Variants in MYCBPAP observed in about 807,000 individuals in gnomAD.
MYCBPAP encodes the protein MYCBP-associated protein.
Under a neutral mutation model 106.1 loss-of-function variants are expected in MYCBPAP, and 60 were observed. That is an observed-to-expected ratio of 0.57 (90% CI 0.46 to 0.70). The LOEUF is 0.70. MYCBPAP is among the 30% of genes least tolerant of loss of function. The pLI is 0.00. For missense variants in MYCBPAP, 1,064 were observed against 1,169.3 expected, an observed-to-expected ratio of 0.91 and a Z score of 1.31; for synonymous variants, 407 against 440.6, an observed-to-expected ratio of 0.92 and a Z score of 0.95.
At position 50,517,381 on chromosome 17, in the gene MYCBPAP, G is replaced by A. The variant is rs2034090008; in HGVS notation, c.293G>A (p.Arg98Lys). ...IIRKLKPMDP[R>K]RKVCHLVARP... Reference sequence around the variant, plus strand: ...CGTAAACTCAAACCCATGGATCCTAGGAGGAAGGTCTGCCACCTTGTAGCA... The same window carrying A: ...CGTAAACTCAAACCCATGGATCCTAAGAGGAAGGTCTGCCACCTTGTAGCA... Residue 98 changes from arginine (R) to lysine (K), a missense_variant, in exon 3 of 19, where the codon AGG becomes AAG. By Grantham distance (26) the Arg-to-Lys change is conservative. Transcript: ENST00000323776. 6.2e-7 allele frequency: 1 copy of A among 1,613,988 alleles called. No homozygotes were observed. The highest frequency in any genetic ancestry group is 1.3e-5 in the African/African-American group (1 of 74,904).
At chr17:50,520,024 G>C in intron 7 of MYCBPAP, 1 of 473,582 alleles carries the variant, frequency 2.1e-6, no homozygotes, top group Non-Finnish European at 3.8e-6. Context: ...CTGCCGTCCA[G>C]TGTGGAGCCT....
chr17:50,526,322 C>A, intron 14 of MYCBPAP, 55 bp downstream of exon 14: 1 of 1,511,298 alleles, frequency 6.6e-7, no homozygotes, highest in Non-Finnish European at 8.8e-7. Flanking sequence ...CTCGAACCAA[C>A]AAGGGAGGAC....
intron 18 of MYCBPAP, among the ~76,000 whole-genome samples, 183 bp from the exon 19 acceptor site, chr17:50,531,144 C>A (rs1292730466): frequency 4.0e-5 from 3 of 75,480 alleles, no homozygotes; most frequent in Non-Finnish European, 7.5e-5. Context: ...AGAGTGAGAT[C>A]CTGTCAAAAA....
At position 50,529,156 on chromosome 17, in the gene MYCBPAP, A is replaced by T. The variant is rs201755547; in HGVS notation, c.2692A>T (p.Met898Leu). Residue 898 changes from methionine to leucine, a missense_variant, in exon 18 of 19, where the codon ATG (methionine) becomes TTG (leucine). Coordinates refer to ENST00000323776, the MANE Select transcript of MYCBPAP (RefSeq NM_032133.6). ...SSQEPIDPLV[M>L]GKYTQSLHSE... ...TCAAGAACCCATAGACCCCCTGGTC[A>T]TGGGGAAATACACCCAGAGCCTGCA... is the stretch of plus-strand genomic sequence containing the variant. The T allele has an allele frequency of 4.6e-5, 74 of 1,613,292 alleles. No homozygotes were observed. Among genetic ancestry groups the T allele is most frequent in the Non-Finnish European group, 5.4e-5 (64 of 1,180,018 alleles).
At chr17:50,518,367 A>G (rs2034129642) in intron 4 of MYCBPAP, among the ~76,000 whole-genome samples, 174 bp from the exon 5 acceptor site, 1 of 152,186 alleles carries the variant, frequency 6.6e-6, no homozygotes, top group Non-Finnish European at 1.5e-5. Context: ...AGCTGCTTTC[A>G]GGGCCCCCTG....
intron 11 of MYCBPAP, 40 bp downstream of exon 11, chr17:50,523,168 G>C (rs1597839122): frequency 1.3e-6 from 2 of 1,595,774 alleles, no homozygotes; most frequent in East Asian, 4.5e-5. Flanking sequence ...GCTCCTGTCT[G>C]GGGCTGGTTT....
rs1162037782 is a variant in MYCBPAP at position 50,528,219 on chromosome 17, C to G, written c.2356C>G (p.Leu786Val). The part of the protein sequence containing the change: ...VGHSMWLRSV[L>V]GLPEKETIYL... Reference sequence around the variant, plus strand: ...CCATTCCATGTGGCTGAGGTCTGTGCTGGGCCTGCCTGAGAAGGAGACCAT... The same window carrying G: ...CCATTCCATGTGGCTGAGGTCTGTGGTGGGCCTGCCTGAGAAGGAGACCAT... The change falls in exon 16 of 19, where the codon CTG becomes GTG. Residue 786 changes from leucine (L) to valine (V), a missense_variant. Leu to Val is a conservative substitution (Grantham distance 32). Coordinates refer to ENST00000323776, the MANE Select transcript of MYCBPAP (RefSeq NM_032133.6). 1.2e-6 allele frequency: 2 copies of G among 1,614,006 alleles called. No homozygotes were observed. Among genetic ancestry groups the G allele is most frequent in the Non-Finnish European group, 1.7e-6 (2 of 1,180,012 alleles).
intron 11 of MYCBPAP, 55 bp from the exon 12 acceptor site, chr17:50,523,542 C>CTG: frequency 1.9e-6 from 3 of 1,581,868 alleles, no homozygotes. Flanking sequence ...GCATGTAGGC[C>CTG]TGGGGCTCAG....
chr17:50,526,800 C>T (rs2034478853), intron 14 of MYCBPAP, among the ~76,000 whole-genome samples: 1 of 152,244 alleles, frequency 6.6e-6, no homozygotes, highest in South Asian at 2.1e-4. Context: ...CCAGGCTGGT[C>T]TCAAACTCCT....
intron 11 of MYCBPAP, 83 bp downstream of exon 11, chr17:50,523,211 G>T (rs2034341977): frequency 7.2e-6 from 10 of 1,391,914 alleles, no homozygotes; most frequent in South Asian, 1.3e-5. Flanking sequence ...TTTAGTTATG[G>T]CCCAGCTCCT....
chr17:50,529,319 T>C (rs2034562753), intron 18 of MYCBPAP, 131 bp downstream of exon 18: 4 of 808,852 alleles, frequency 4.9e-6, no homozygotes, highest in Non-Finnish European at 1.9e-6. Flanking sequence ...CATCCTCGTG[T>C]GTGAGACAGG....
At chr17:50,528,380 G>T in intron 16 of MYCBPAP, 110 bp downstream of exon 16, 1 of 1,018,434 alleles carries the variant, frequency 9.8e-7, no homozygotes, top group Non-Finnish European at 1.5e-6. Context: ...AGCTCTGCTA[G>T]GTTGAGCCCA....
At chr17:50,514,813 A>G in intron 1 of MYCBPAP, 1 of 370,980 alleles carries the variant, frequency 2.7e-6, no homozygotes, top group Non-Finnish European at 5.5e-6. Flanking sequence ...ATGTACTACC[A>G]TGCCTGGTTA....
rs377428471 is a variant in MYCBPAP at position 50,519,832 on chromosome 17, C to T, written c.916+45C>T. The T allele has an allele frequency of 2.1e-5, 33 of 1,589,248 alleles. No individual in the cohort carries two copies. In the African/African-American group the frequency reaches 2.7e-4, roughly 13 times the overall value. On this transcript the variant is annotated intron_variant, in intron 7 of 18. Transcript: ENST00000323776. ...GCCAGCTAGCATCTTGTGCCTGGCC[C>T]GGAGGCAGGGTAGTGTGGAAGTGGC...
rs1479753866 is a variant in MYCBPAP at position 50,521,430 on chromosome 17, T to C, written c.1147T>C (p.Leu383=). The stretch of plus-strand genomic sequence containing the variant: ...AAGCTCCTCTGAAGACACAGCATAC[T>C]TGTGAGTGCAGCCTGAACCCTGGGG... ...QGSSSEDTAY[L]GTLASSSDVS... The change falls in exon 9 of 19, where the codon TTA becomes CTA. Residue 383 remains leucine, a splice_region_variant and synonymous_variant. Transcript: ENST00000323776. 3 of 1,579,370 alleles carry C rather than the reference T, an allele frequency of 1.9e-6. No homozygotes were observed. Among genetic ancestry groups the C allele is most frequent in the Non-Finnish European group, 2.6e-6 (3 of 1,158,078 alleles).
At position 50,508,727 on chromosome 17, in the gene MYCBPAP, T is replaced by C. The variant is rs2033710726; in HGVS notation, c.53T>C (p.Leu18Ser). ...CTCAGAATAACTCCGACCAGATTAT[T>C]AGAGGCCTCAGAGAATGTCAAAGGT... ...SRLRITPTRL[L>S]EASENVKEKK... Residue 18 changes from leucine to serine, a missense_variant, in exon 1 of 19, where the codon TTA (leucine) becomes TCA (serine). Leu to Ser is a moderately radical substitution (Grantham distance 145, BLOSUM62 -2). Transcript: ENST00000323776. The C allele has an allele frequency of 6.2e-7, 1 of 1,611,360 alleles. No homozygotes were observed. The highest frequency in any genetic ancestry group is 1.3e-5 in the African/African-American group (1 of 74,826).
At chr17:50,519,132 T>C (rs1388387049) in intron 6 of MYCBPAP, 43 bp downstream of exon 6, 1 of 746,148 alleles carries the variant, frequency 1.3e-6, no homozygotes, top group Non-Finnish European at 1.9e-6. Flanking sequence ...GGGGGGTCCA[T>C]GGAGGAGGGG....
chr17:50,530,215 C>G (rs1023799844), intron 18 of MYCBPAP: 2 of 439,118 alleles, frequency 4.6e-6, no homozygotes, highest in African/African-American at 4.0e-5. Context: ...ACTTGCAGAC[C>G]AGGTGCGGTG....
chr17:50,518,393 TTC>T, intron 4 of MYCBPAP, 146 bp from the exon 5 acceptor site: 1 of 610,144 alleles, frequency 1.6e-6, no homozygotes, highest in East Asian at 3.0e-5. Flanking sequence ...GGGATTTATT[TTC>T]TGTCACTGGC....
Sources: allele counts gnomAD v4.1 joint callset (sites outside exome capture counted in the v4.1 genomes callset), GRCh38; gene constraint gnomAD v4.1.1; transcripts MANE v1.5; gene names NCBI Gene and HGNC (gene_info 2026-07-23, HGNC 2026-07-21).